Variants in ATP6V0A4 observed in about 807,000 individuals in gnomAD.
ATP6V0A4 encodes V-type proton ATPase 116 kDa subunit a 4.
Under a neutral mutation model 107.3 loss-of-function variants are expected in ATP6V0A4, and 86 were observed. That is an observed-to-expected ratio of 0.80 (90% confidence interval 0.67 to 0.96). ATP6V0A4 has a LOEUF of 0.96. Ranked by LOEUF, ATP6V0A4 falls within the 40% of genes least tolerant of loss-of-function variation. ATP6V0A4 has a pLI of 0.00. For synonymous variants in ATP6V0A4, 353 were observed against 381.4 expected, an observed-to-expected ratio of 0.93 and a Z score of 0.87; for missense variants, 908 against 1,045.6, an observed-to-expected ratio of 0.87 and a Z score of 1.81.
chr7:138,795,134 T>A (rs567708649), intron 1 of ATP6V0A4, among the ~76,000 whole-genome samples: 1 of 152,214 alleles, frequency 6.6e-6, no homozygotes, highest in East Asian at 1.9e-4. Context: ...ACTCCTGACC[T>A]CAAATGAGCC....
At chr7:138,791,391 AGAGAG>A (rs1226233876) in intron 1 of ATP6V0A4, among the ~76,000 whole-genome samples, 1 of 152,246 alleles carries the variant, frequency 6.6e-6, no homozygotes, top group African/African-American at 2.4e-5. Context: ...AGTCACAAAA[AGAGAG>A]GAGAGAATGG....
At chr7:138,716,304 G>T (rs1381072015) in intron 19 of ATP6V0A4, among the ~76,000 whole-genome samples, 1 of 152,174 alleles carries the variant, frequency 6.6e-6, no homozygotes, top group Non-Finnish European at 1.5e-5. Context: ...GTTTAGGTGA[G>T]GAATAGAAGA....
chr7:138,771,413 T>G (rs1475265190), intron 2 of ATP6V0A4, 149 bp from the exon 3 acceptor site: 1 of 903,920 alleles, frequency 1.1e-6, no homozygotes, highest in Non-Finnish European at 1.6e-6. Flanking sequence ...TTTTTTTTTT[T>G]TTTTCTTAGA....
chr7:138,729,066 A>C, intron 17 of ATP6V0A4: 1 of 654,078 alleles, frequency 1.5e-6, no homozygotes, highest in Non-Finnish European at 1.9e-6. Context: ...CAAATGTTCG[A>C]CACGGGGTAG....
chr7:138,715,724 G>A (rs1322783333), intron 20 of ATP6V0A4, 40 bp downstream of exon 20: 1 of 1,603,488 alleles, frequency 6.2e-7, no homozygotes, highest in Admixed American at 1.7e-5. Flanking sequence ...CTGGGGTGTT[G>A]GGGAGAGCTG....
At position 138,771,146 on chromosome 7, in the gene ATP6V0A4, C is replaced by G. The variant is rs1173300423; in HGVS notation, c.102G>C (p.Leu34Phe). 8 of 1,613,996 alleles carry G rather than the reference C, an allele frequency of 5.0e-6. No individual in the cohort carries two copies. The highest frequency in any genetic ancestry group is 6.8e-6 in the Non-Finnish European group (8 of 1,180,028). ...CAGTACCTACATCTTTGAACTGAACCAATCCGAGCTCTCCGAGCTCAGCCA... is the reference window on the plus strand; with the variant it reads ...CAGTACCTACATCTTTGAACTGAACGAATCCGAGCTCTCCGAGCTCAGCCA... The part of the protein sequence containing the change: ...CCVAELGELG[L>F]VQFKDLNMNV... The change falls in exon 3 of 22, where the codon TTG becomes TTC. Residue 34 changes from leucine (L) to phenylalanine (F), a missense_variant. Transcript: ENST00000310018.
rs574222323 is a variant in ATP6V0A4, at chr7:138,757,526, C to T, written c.640-986G>A. 3.3e-5 allele frequency among the ~76,000 whole-genome samples: 5 copies of T among 151,884 alleles called. No homozygotes were observed. In the South Asian group the frequency reaches 8.3e-4, roughly 25 times the overall value. ...GTGAGACCCTGTCTCAAAAAAAAAC[C>T]CCAAAAAACAAAAACAAAAACTATT... is the stretch of plus-strand genomic sequence containing the variant. On this transcript the variant is annotated intron_variant, in intron 8 of 21. Coordinates refer to ENST00000310018, the MANE Select transcript of ATP6V0A4 (RefSeq NM_020632.3).
intron 7 of ATP6V0A4, among the ~76,000 whole-genome samples, chr7:138,761,224 C>T (rs575556842): frequency 6.0e-4 from 91 of 152,212 alleles, no homozygotes; most frequent in African/African-American, 2.0e-3. Flanking sequence ...TCCAGCTACT[C>T]GCGAGGCAGA....
intron 19 of ATP6V0A4, among the ~76,000 whole-genome samples, chr7:138,716,215 G>C: frequency 6.6e-6 from 1 of 152,198 alleles, no homozygotes; most frequent in East Asian, 1.9e-4. Context: ...AAGGATCCCT[G>C]GTTGGGAAAG....
chr7:138,763,158 T>TACACACAGAC (rs535605039), intron 5 of ATP6V0A4, 133 bp from the exon 6 acceptor site: 10 of 1,148,840 alleles, frequency 8.7e-6, no homozygotes, highest in African/African-American at 1.5e-5. Flanking sequence ...CTAATACACA[T>TACACACAGAC]ACACACAGAC....
chr7:138,756,686 G>C (rs1806532078), intron 8 of ATP6V0A4, 146 bp from the exon 9 acceptor site: 12 of 1,136,684 alleles, frequency 1.1e-5, no homozygotes, highest in Non-Finnish European at 1.5e-5. Flanking sequence ...GTTCATCTAA[G>C]TTCATAGCTC....
At chr7:138,767,438 G>A (rs1213411115) in intron 5 of ATP6V0A4, among the ~76,000 whole-genome samples, 4 of 152,098 alleles carry the variant, frequency 2.6e-5, no homozygotes, top group African/African-American at 4.8e-5. Flanking sequence ...CAGGAGAATC[G>A]CTTGAGCCTG....
intron 7 of ATP6V0A4, among the ~76,000 whole-genome samples, chr7:138,761,850 T>C (rs943265704): frequency 2.0e-5 from 3 of 152,040 alleles, no homozygotes; most frequent in African/African-American, 7.2e-5. Flanking sequence ...TGACTAATTT[T>C]GTATTTTTAG....
At chr7:138,778,685 G>T (rs543406641) in intron 2 of ATP6V0A4, among the ~76,000 whole-genome samples, 1 of 152,028 alleles carries the variant, frequency 6.6e-6, no homozygotes, top group African/African-American at 2.4e-5. Flanking sequence ...CCAGTTAAAC[G>T]CCACAGAAAA....
intron 18 of ATP6V0A4, among the ~76,000 whole-genome samples, chr7:138,727,040 GA>G (rs978687073): frequency 8.0e-5 from 10 of 125,106 alleles, no homozygotes; most frequent in South Asian, 7.7e-4. Flanking sequence ...TTAGTTCCTA[GA>G]AAAAAAAAAT....
intron 13 of ATP6V0A4, 38 bp downstream of exon 13, chr7:138,747,387 G>A (rs780879183): frequency 6.2e-7 from 1 of 1,602,834 alleles, no homozygotes; most frequent in Admixed American, 1.7e-5. Context: ...TTCATATTCT[G>A]AAAATGAATC....
At chr7:138,740,146 G>A (rs1435132066) in intron 14 of ATP6V0A4, among the ~76,000 whole-genome samples, 2 of 151,376 alleles carry the variant, frequency 1.3e-5, no homozygotes, top group Non-Finnish European at 2.9e-5. Context: ...AAGGGGAAAG[G>A]GAAGGAAAAG....
At chr7:138,711,830 C>T (rs924756948) in intron 20 of ATP6V0A4, among the ~76,000 whole-genome samples, 1 of 152,264 alleles carries the variant, frequency 6.6e-6, no homozygotes, top group Non-Finnish European at 1.5e-5. Flanking sequence ...ACACTCAGCC[C>T]TGCGTGTACC....
At chr7:138,741,370 A>C (rs964068318) in intron 14 of ATP6V0A4, among the ~76,000 whole-genome samples, 1 of 152,070 alleles carries the variant, frequency 6.6e-6, no homozygotes, top group Admixed American at 6.6e-5. Context: ...CCCCCATCCT[A>C]ATGGCATGAC....
Sources: gnomAD v4.1 joint callset for allele counts (sites outside exome capture counted in the v4.1 genomes callset) on GRCh38, gnomAD v4.1.1 for gene constraint, MANE v1.5 for transcripts, NCBI Gene and HGNC (gene_info 2026-07-23, HGNC 2026-07-21) for gene names.